ARL15: variants seen among roughly 807,000 people sequenced by gnomAD.
ARL15 encodes ARF like GTPase 15.
A neutral mutation model predicts 25.2 loss-of-function variants in ARL15; 19 were observed. The observed-to-expected ratio is 0.75, with a 90% CI of 0.53 to 1.10. ARL15 has a LOEUF of 1.10. Ranked by LOEUF, ARL15 falls within the 50% of genes least tolerant of loss-of-function variation. The probability of loss-of-function intolerance (pLI) is 0.00; values close to 1 mark genes in which losing one functional copy is unlikely to be tolerated. For synonymous variants in ARL15, 94 were observed against 86.8 expected, an observed-to-expected ratio of 1.08 and a Z score of -0.46; for missense variants, 220 against 246.0, an observed-to-expected ratio of 0.89 and a Z score of 0.71.
At chr5:54,065,593 G>A (rs913899392) in intron 4 of ARL15, among the ~76,000 whole-genome samples, 6 of 152,290 alleles carry the variant, frequency 3.9e-5, no homozygotes, top group Non-Finnish European at 7.4e-5. Context: ...TTGAACCCAG[G>A]AGGTGGGGTG....
At chr5:54,224,874 G>T (rs1183809993) in intron 1 of ARL15, among the ~76,000 whole-genome samples, 1 of 152,184 alleles carries the variant, frequency 6.6e-6, no homozygotes, top group South Asian at 2.1e-4. Flanking sequence ...TCAAATATGT[G>T]CAGTTAATGT....
chr5:54,134,898 T>C (rs1274867198), intron 3 of ARL15, among the ~76,000 whole-genome samples: 2 of 152,152 alleles, frequency 1.3e-5, no homozygotes, highest in African/African-American at 4.8e-5. Context: ...GATTACATTT[T>C]ATCCATCTTG....
chr5:54,283,035 T>C (rs751230571), intron 1 of ARL15, among the ~76,000 whole-genome samples: 8 of 152,230 alleles, frequency 5.3e-5, no homozygotes, highest in Non-Finnish European at 1.0e-4. Context: ...CCTAACTTTA[T>C]ACAGTCGAAC....
At chr5:54,056,828 C>G (rs1324131338) in intron 4 of ARL15, among the ~76,000 whole-genome samples, 2 of 151,962 alleles carry the variant, frequency 1.3e-5, no homozygotes, top group African/African-American at 4.8e-5. Context: ...TTGGGCAAAT[C>G]GTTGTTTTCC....
chr5:53,890,001 C>G (rs2111891696), intron 4 of ARL15, among the ~76,000 whole-genome samples: 1 of 152,142 alleles, frequency 6.6e-6, no homozygotes, highest in African/African-American at 2.4e-5. Flanking sequence ...TTAGTAGAGA[C>G]AGAATTTCAC....
intron 4 of ARL15, among the ~76,000 whole-genome samples, chr5:53,903,591 C>A (rs1326315522): frequency 6.6e-6 from 1 of 152,164 alleles, no homozygotes; most frequent in East Asian, 1.9e-4. Flanking sequence ...AGAGAACAAA[C>A]CCCTGTTAAT....
At chr5:54,289,890 A>G (rs949253334) in intron 1 of ARL15, among the ~76,000 whole-genome samples, 1 of 152,202 alleles carries the variant, frequency 6.6e-6, no homozygotes, top group African/African-American at 2.4e-5. Flanking sequence ...GCTATGTTCC[A>G]GGCACACAAC....
chr5:54,264,633 T>C (rs1226198778), intron 1 of ARL15, among the ~76,000 whole-genome samples: 1 of 152,138 alleles, frequency 6.6e-6, no homozygotes. Context: ...CTTCAGCCAT[T>C]GGCTCCTAAA....
intron 1 of ARL15, among the ~76,000 whole-genome samples, chr5:54,217,204 T>C (rs906029903): frequency 2.0e-5 from 3 of 151,078 alleles, no homozygotes; most frequent in Admixed American, 6.6e-5. Context: ...GCTTTTCTTT[T>C]TTTTTTTTTT....
intron 3 of ARL15, among the ~76,000 whole-genome samples, chr5:54,136,572 G>GAA (rs200065867): frequency 1.3e-4 from 20 of 148,886 alleles, no homozygotes; most frequent in African/African-American, 5.0e-4. Context: ...GATTGTGAGG[G>GAA]AAAAAAAAAC....
At chr5:54,247,411 G>T (rs940781265) in intron 1 of ARL15, among the ~76,000 whole-genome samples, 1 of 151,756 alleles carries the variant, frequency 6.6e-6, no homozygotes, top group Non-Finnish European at 1.5e-5. Context: ...ATGTGGGGTC[G>T]GCTGGTAGGG....
At chr5:54,101,069 A>G (rs1185243312) in intron 4 of ARL15, among the ~76,000 whole-genome samples, 2 of 152,094 alleles carry the variant, frequency 1.3e-5, no homozygotes, top group Admixed American at 1.3e-4. Flanking sequence ...ATCTTAATTG[A>G]CAGAGGATGG....
chr5:54,131,760 C>T (rs563349704), intron 3 of ARL15, among the ~76,000 whole-genome samples: 6 of 152,090 alleles, frequency 3.9e-5, no homozygotes, highest in Non-Finnish European at 7.4e-5. Flanking sequence ...ACCAGAATTA[C>T]TGAGTATTGT....
chr5:54,169,359 A>G (rs1330737386), intron 2 of ARL15, among the ~76,000 whole-genome samples: 3 of 152,212 alleles, frequency 2.0e-5, no homozygotes, highest in Non-Finnish European at 4.4e-5. Context: ...AGATATTCAC[A>G]GTTTTATAAA....
chr5:53,985,493 C>T (rs1748264404), intron 4 of ARL15, among the ~76,000 whole-genome samples: 1 of 152,156 alleles, frequency 6.6e-6, no homozygotes, highest in African/African-American at 2.4e-5. Context: ...CCCTGGCAAC[C>T]ACCATTATCC....
intron 4 of ARL15, among the ~76,000 whole-genome samples, chr5:53,947,170 GTGTGTGTGTGTGTGTGTGTGT>G (rs1746771737): frequency 1.3e-4 from 6 of 45,402 alleles, no homozygotes; most frequent in Non-Finnish European, 2.1e-4. Context: ...AAATAAGGGT[GTGTGTGTGTGTGTGTGTGTGT>G]GTGTGTGTGT....
intron 4 of ARL15, among the ~76,000 whole-genome samples, chr5:54,060,090 T>G (rs1172403979): frequency 6.8e-6 from 1 of 146,224 alleles, no homozygotes; most frequent in Non-Finnish European, 1.5e-5. Flanking sequence ...TTCTGTGCTG[T>G]TCTCATGATA....
chr5:54,210,787 C>G (rs988854158), intron 1 of ARL15, among the ~76,000 whole-genome samples: 1 of 152,158 alleles, frequency 6.6e-6, no homozygotes, highest in Non-Finnish European at 1.5e-5. Flanking sequence ...TGAAAGAGAC[C>G]TTATATGCCA....
chr5:54,066,983 T>G (rs1241085263), intron 4 of ARL15, among the ~76,000 whole-genome samples: 3 of 152,180 alleles, frequency 2.0e-5, no homozygotes, highest in Admixed American at 1.3e-4. Context: ...ACTTCTTAGA[T>G]TCACTAAAAA....
Sources: gnomAD v4.1 joint callset for allele counts (sites outside exome capture counted in the v4.1 genomes callset) on GRCh38, gnomAD v4.1.1 for gene constraint, MANE v1.5 for transcripts, NCBI Gene and HGNC (gene_info 2026-07-23, HGNC 2026-07-21) for gene names.